MYH13: variants seen among roughly 807,000 people sequenced by gnomAD.
MYH13 encodes myosin heavy chain 13.
In MYH13, 177 loss-of-function variants were observed where a neutral mutation model predicts 232.1. That is an observed-to-expected ratio of 0.76 (90% CI 0.67 to 0.86). The LOEUF (loss-of-function observed/expected upper bound fraction) is 0.86, where lower values mean the gene tolerates loss of function less well. Ranked by LOEUF, MYH13 falls within the 40% of genes least tolerant of loss-of-function variation. MYH13 has a pLI of 0.00. For synonymous variants in MYH13, 884 were observed against 923.5 expected, an observed-to-expected ratio of 0.96 and a Z score of 0.78; for missense variants, 2,246 against 2,405.9, an observed-to-expected ratio of 0.93 and a Z score of 1.39.
At chr17:10,360,481 T>G (rs2071783192) in intron 5 of MYH13, among the ~76,000 whole-genome samples, 1 of 152,202 alleles carries the variant, frequency 6.6e-6, no homozygotes, top group Non-Finnish European at 1.5e-5. Context: ...TGCTAGTCCT[T>G]TCCCATCGCC....
chr17:10,366,033 G>T (rs1284151161), intron 2 of MYH13, among the ~76,000 whole-genome samples: 1 of 151,866 alleles, frequency 6.6e-6, no homozygotes, highest in Non-Finnish European at 1.5e-5. Flanking sequence ...TGCTTAGAAT[G>T]CAGAAAATTC....
chr17:10,362,618 G>T, intron 3 of MYH13, 115 bp from the exon 4 acceptor site: 1 of 1,355,822 alleles, frequency 7.4e-7, no homozygotes, highest in Non-Finnish European at 1.0e-6. Flanking sequence ...CATTGTGATG[G>T]ATAATTTCAT....
intron 40 of MYH13, among the ~76,000 whole-genome samples, 180 bp from the exon 41 acceptor site, chr17:10,301,145 G>A (rs981826653): frequency 3.3e-5 from 5 of 152,172 alleles, no homozygotes; most frequent in African/African-American, 4.8e-5. Context: ...CAGGACAAAC[G>A]CCCTGCAAAA....
chr17:10,311,822 G>T, intron 32 of MYH13, 89 bp downstream of exon 32: 1 of 1,450,932 alleles, frequency 6.9e-7, no homozygotes, highest in Non-Finnish European at 9.5e-7. Context: ...GTGGGAAGGA[G>T]GTGTCTGGAG....
At chr17:10,328,634 C>T (rs1907302991) in intron 21 of MYH13, among the ~76,000 whole-genome samples, 1 of 151,672 alleles carries the variant, frequency 6.6e-6, no homozygotes, top group Admixed American at 6.6e-5. Context: ...GTCTCTTGCC[C>T]TGGTAGAGTT....
At chr17:10,311,262 C>G (rs772474996) in intron 32 of MYH13, 35 bp from the exon 33 acceptor site, 2 of 1,612,526 alleles carry the variant, frequency 1.2e-6, no homozygotes, top group Non-Finnish European at 1.7e-6. Context: ...GCTGTTTCAA[C>G]AGGCTCCAGT....
chr17:10,344,146 C>CA lies in MYH13; in HGVS notation c.1585-38dup, dbSNP rs776015747. ...ATAACAGAGTCTACATATAATAGTG[C>CA]ATACCCATGCTTCATGGTCTGGAGA... On this transcript the variant is annotated intron_variant, in intron 15 of 40. Transcript: ENST00000252172. 3.1e-6 allele frequency: 5 copies of CA among 1,598,760 alleles called. No homozygotes were observed. In the South Asian group the frequency reaches 5.6e-5, roughly 18 times the overall value.
In MYH13 at chr17:10,303,514, G is replaced by A. The variant is rs754985281; in HGVS notation, c.5467-16C>T. The A allele has an allele frequency of 2.4e-5, 38 of 1,608,164 alleles. No homozygotes were observed. The highest frequency in any genetic ancestry group is 3.1e-5 in the Non-Finnish European group (36 of 1,174,692). The stretch of plus-strand genomic sequence containing the variant: ...GCTCCCGCACCTGAGTAGGATGAAA[G>A]GAACACAGAATTCAAATCTCCTCTC... On this transcript the variant is annotated splice_polypyrimidine_tract_variant and intron_variant, in intron 37 of 40. Coordinates refer to ENST00000252172, the MANE Select transcript of MYH13 (RefSeq NM_003802.3).
chr17:10,330,278 T>C (rs1907365807), intron 21 of MYH13, 109 bp downstream of exon 21: 8 of 1,459,734 alleles, frequency 5.5e-6, no homozygotes, highest in Non-Finnish European at 7.4e-6. Flanking sequence ...GTTAAACAAA[T>C]GAAGGAAAGA....
chr17:10,335,434 C>G (rs1199646470), intron 18 of MYH13, among the ~76,000 whole-genome samples: 1 of 152,108 alleles, frequency 6.6e-6, no homozygotes, highest in Non-Finnish European at 1.5e-5. Flanking sequence ...TCTGCTTCAT[C>G]AGGTGGTTGA....
At position 10,360,071 on chromosome 17, in the gene MYH13, G is replaced by A. The variant is rs751363766; in HGVS notation, c.534C>T (p.Thr178=). Residue 178 remains threonine (T), a splice_region_variant and synonymous_variant, in exon 7 of 41, where the codon ACC becomes ACT. Transcript: ENST00000252172. ...TDRDNQSILI[T]GESGAGKTVN... ...CAGTCTTCCCAGCCCCGGATTCTCC[G>A]CTGCCAATTTAAAAGTAAACGGGAT... 8.1e-6 allele frequency: 13 copies of A among 1,613,912 alleles called. No individual in the cohort carries two copies. Among genetic ancestry groups the A allele is most frequent in the African/African-American group, 1.3e-5 (1 of 74,860 alleles).
chr17:10,370,546 C>CCT (rs1047873513), intron 2 of MYH13, among the ~76,000 whole-genome samples: 9 of 152,166 alleles, frequency 5.9e-5, no homozygotes, highest in African/African-American at 1.9e-4. Context: ...CCCCGCCTGC[C>CCT]TAATCTCCAT....
chr17:10,364,522 A>C lies in MYH13; in HGVS notation c.9T>G (p.Ser3=). Residue 3 remains serine, a synonymous_variant, in exon 3 of 41, where the codon TCT becomes TCG. Transcript: ENST00000252172. The stretch of plus-strand genomic sequence containing the variant: ...CTCCAAAAATGGCCATTTCTGCGTC[A>C]GAGCTCATGACTGCAGAGGGCTGGG... MS[S]DAEMAIFGEA... The C allele has an allele frequency of 6.3e-7, 1 of 1,592,216 alleles. No individual in the cohort carries two copies. The highest frequency in any genetic ancestry group is 1.1e-5 in the South Asian group (1 of 87,828).
chr17:10,365,295 G>A (rs1378259602), intron 2 of MYH13, among the ~76,000 whole-genome samples: 1 of 152,178 alleles, frequency 6.6e-6, no homozygotes, highest in Non-Finnish European at 1.5e-5. Context: ...AGACATTTTG[G>A]TTAGCCCCGT....
intron 13 of MYH13, 108 bp from the exon 14 acceptor site, chr17:10,345,724 G>A: frequency 6.3e-7 from 1 of 1,577,552 alleles, no homozygotes; most frequent in Non-Finnish European, 8.7e-7. Context: ...GCTAGGCGTG[G>A]TGGCTCACAC....
At chr17:10,331,603 G>T (rs538179269) in intron 20 of MYH13, among the ~76,000 whole-genome samples, 6 of 152,112 alleles carry the variant, frequency 3.9e-5, no homozygotes, top group Admixed American at 1.3e-4. Flanking sequence ...TTTGAGACAG[G>T]GCTTCACTTT....
Position 10,314,415 on chromosome 17 carries a change from C to CAAAAAAAA in MYH13, c.3985-1069_3985-1062dup, listed in dbSNP as rs535595768. Among the ~76,000 whole-genome samples, 109 of 89,874 alleles carry CAAAAAAAA rather than the reference C, an allele frequency of 1.2e-3. No individual in the cohort carries two copies. The East Asian group carries it at 0.026, about 21-fold the overall frequency. The allele number at this position is 89,874 out of a possible 152,430, so 59.0% of individuals were successfully genotyped here. ...GGGCAACAAGAGTGAAACTCCATCT[C>CAAAAAAAA]AAAAAAAAAAAAAAAGGCAATAAAT... On this transcript the variant is annotated intron_variant, in intron 29 of 40. Coordinates refer to ENST00000252172, the MANE Select transcript of MYH13 (RefSeq NM_003802.3).
intron 22 of MYH13, chr17:10,324,791 A>G (rs12945894): frequency 0.59 from 82,129 of 140,066 alleles, 24,819 homozygotes; most frequent in Non-Finnish European, 0.66. Flanking sequence ...AACTAGCAAG[A>G]ACATTGCTTA....
chr17:10,331,802 CTA>C (rs527535562), intron 20 of MYH13, among the ~76,000 whole-genome samples: 39 of 152,142 alleles, frequency 2.6e-4, no homozygotes, highest in Non-Finnish European at 4.7e-4. Flanking sequence ...GGAGTCCTCT[CTA>C]TGTTCTCCTC....
Sources: gnomAD v4.1 joint callset for allele counts (sites outside exome capture counted in the v4.1 genomes callset) on GRCh38, gnomAD v4.1.1 for gene constraint, MANE v1.5 for transcripts, NCBI Gene and HGNC (gene_info 2026-07-23, HGNC 2026-07-21) for gene names.